The following AKR7A2 variants were observed in gnomAD, a reference collection of about 807,000 sequenced individuals.
The protein encoded by AKR7A2 is aflatoxin B1 aldehyde reductase member 2.
A neutral mutation model predicts 37.3 loss-of-function variants in AKR7A2; 29 were observed. The ratio of observed to expected loss-of-function variants is 0.78; its 90% CI spans 0.58 to 1.06. The LOEUF (loss-of-function observed/expected upper bound fraction) is 1.06, where lower values mean the gene tolerates loss of function less well. AKR7A2 is among the 50% of genes least tolerant of loss of function. The pLI, the probability that AKR7A2 is intolerant of heterozygous loss-of-function variation, is 0.00. For missense variants in AKR7A2, 529 were observed against 497.9 expected, an observed-to-expected ratio of 1.06 and a Z score of -0.59; for synonymous variants, 228 against 217.8, an observed-to-expected ratio of 1.05 and a Z score of -0.41.
rs756693579 is a variant in AKR7A2 at position 19,306,120 on chromosome 1, G to A, written c.816C>T (p.Ala272=). The change falls in exon 6 of 7, where the codon GCC becomes GCT. Residue 272 remains alanine (A), a synonymous_variant. Coordinates refer to ENST00000235835, the MANE Select transcript of AKR7A2 (RefSeq NM_003689.4). ...NRFWKEHHFE[A]IALVEKALQA... is the part of the protein sequence containing the mutation. ...GCAGGGCCTTCTCCACCAACGCAAT[G>A]GCCTCGAAGTGGTGCTCCTTCCAGA... The A allele has an allele frequency of 6.2e-7, 1 of 1,614,212 alleles. No homozygotes were observed. Among genetic ancestry groups the A allele is most frequent in the East Asian group, 2.2e-5 (1 of 44,888 alleles).
chr1:19,307,492 A>G (rs899088066), intron 3 of AKR7A2, 82 bp from the exon 4 acceptor site: 87 of 1,425,658 alleles, frequency 6.1e-5, no homozygotes, highest in Non-Finnish European at 8.3e-5. Context: ...CCTCTAAAGC[A>G]ACACCGGCCC....
rs1046126811 is a variant in AKR7A2 at position 19,312,105 on chromosome 1, C to G, written c.20G>C (p.Arg7Pro). ...GTGGACGGCGGCGCGGGAGACTACG[C>G]GAGACGCGGCACTCAGCATAGCAGC... The part of the protein sequence containing the change: MLSAAS[R>P]VVSRAAVHCA... The change falls in exon 1 of 7, where the codon CGC becomes CCC. Residue 7 changes from arginine to proline, a missense_variant. Physicochemically the swap from Arg to Pro is moderately radical, Grantham distance 103. Coordinates refer to ENST00000235835, the MANE Select transcript of AKR7A2 (RefSeq NM_003689.4). The G allele has an allele frequency of 4.5e-6, 6 of 1,327,622 alleles. No homozygotes were observed. Among genetic ancestry groups the G allele is most frequent in the South Asian group, 2.1e-5 (1 of 47,366 alleles). 82.2% of individuals were successfully genotyped at this position (1,327,622 alleles called of 1,614,324 possible).
chr1:19,305,744 T>C (rs1219184854), intron 6 of AKR7A2, among the ~76,000 whole-genome samples: 1 of 152,190 alleles, frequency 6.6e-6, no homozygotes, highest in African/African-American at 2.4e-5. Flanking sequence ...TCTGCCACTT[T>C]AATAGCTGGG....
intron 1 of AKR7A2, 117 bp from the exon 2 acceptor site, chr1:19,308,759 G>A (rs1220183070): frequency 3.9e-6 from 4 of 1,035,030 alleles, no homozygotes; most frequent in Non-Finnish European, 5.9e-6. Flanking sequence ...AAAATGGGGT[G>A]ATAATAATCA....
At chr1:19,305,132 ATCT>A (rs1442602387) in intron 6 of AKR7A2, 1 of 156,704 alleles carries the variant, frequency 6.4e-6, no homozygotes, top group Non-Finnish European at 1.4e-5. Context: ...GGCCATACTA[ATCT>A]TCTCTGTATC....
At chr1:19,305,979 T>G (rs2093760769) in intron 6 of AKR7A2, 39 bp downstream of exon 6, 1 of 1,612,994 alleles carries the variant, frequency 6.2e-7, no homozygotes, top group Non-Finnish European at 8.5e-7. Context: ...CTGGTCCCCC[T>G]GGAAGGGAAG....
At chr1:19,310,480 T>C (rs1439045513) in intron 1 of AKR7A2, among the ~76,000 whole-genome samples, 1 of 152,030 alleles carries the variant, frequency 6.6e-6, no homozygotes, top group Admixed American at 6.5e-5. Context: ...GGCAGATCAC[T>C]TGAGGTCAGG....
chr1:19,302,899 C>T (rs960607044), downstream of AKR7A2, among the ~76,000 whole-genome samples: 1 of 151,948 alleles, frequency 6.6e-6, no homozygotes, highest in African/African-American at 2.4e-5. Flanking sequence ...CACCATGTTG[C>T]CCAGGCTGGT....
chr1:19,307,233 C>T, intron 4 of AKR7A2, 81 bp downstream of exon 4: 1 of 1,604,784 alleles, frequency 6.2e-7, no homozygotes, highest in Non-Finnish European at 8.5e-7. Context: ...TCTTGTCAAA[C>T]CCTCCCTGCT....
rs1482504021 is a variant in AKR7A2 at position 19,307,420 on chromosome 1, G to C, written c.592-10C>G. 1.2e-6 allele frequency: 2 copies of C among 1,614,136 alleles called. No individual in the cohort carries two copies. Among genetic ancestry groups the C allele is most frequent in the Admixed American group, 3.3e-5 (2 of 60,024 alleles). On this transcript the variant is annotated splice_polypyrimidine_tract_variant and intron_variant, in intron 3 of 6. Coordinates refer to ENST00000235835, the MANE Select transcript of AKR7A2 (RefSeq NM_003689.4). Reference sequence around the variant, plus strand: ...TGGCGTTGTACATGCCCTGCAGGGAGAGGGACCCCGGGGACAGGGTGGACA... The same window carrying C: ...TGGCGTTGTACATGCCCTGCAGGGACAGGGACCCCGGGGACAGGGTGGACA...
chr1:19,310,864 G>C (rs1405400861), intron 1 of AKR7A2, among the ~76,000 whole-genome samples: 3 of 152,050 alleles, frequency 2.0e-5, no homozygotes, highest in African/African-American at 7.2e-5. Context: ...GCATGGTAAG[G>C]GTAACAGCCC....
intron 3 of AKR7A2, 116 bp from the exon 4 acceptor site, chr1:19,307,526 T>G: frequency 9.2e-7 from 1 of 1,082,254 alleles, no homozygotes. Context: ...TATTCTAACA[T>G]CACTACTGTT....
rs1264296586 is a variant in AKR7A2 at position 19,304,113 on chromosome 1, A to G, written c.*112T>C. 6 of 1,541,462 alleles carry G rather than the reference A, an allele frequency of 3.9e-6. No homozygotes were observed. Among genetic ancestry groups the G allele is most frequent in the African/African-American group, 1.4e-5 (1 of 73,292 alleles). On this transcript the variant is annotated 3_prime_UTR_variant, in exon 7 of 7. Coordinates refer to ENST00000235835, the MANE Select transcript of AKR7A2 (RefSeq NM_003689.4). ...AGGAAGCTAGAAAAATAATGCATGGATCTAGACAATTCAGAAAAACCCTTC... is the reference window on the plus strand; with the variant it reads ...AGGAAGCTAGAAAAATAATGCATGGGTCTAGACAATTCAGAAAAACCCTTC...
chr1:19,311,185 G>A (rs779483441), intron 1 of AKR7A2, among the ~76,000 whole-genome samples: 2 of 152,200 alleles, frequency 1.3e-5, no homozygotes, highest in Non-Finnish European at 2.9e-5. Flanking sequence ...GGGCTCTCCA[G>A]CAATCATTAC....
chr1:19,308,749 A>G, intron 1 of AKR7A2, 107 bp from the exon 2 acceptor site: 1 of 1,108,268 alleles, frequency 9.0e-7, no homozygotes, highest in Non-Finnish European at 1.4e-6. Flanking sequence ...TATGATCTGT[A>G]AAATGGGGTG....
chr1:19,312,006 G>A lies in AKR7A2; in HGVS notation c.119C>T (p.Ser40Leu), dbSNP rs1232577135. 2.0e-6 allele frequency: 3 copies of A among 1,477,890 alleles called. No individual in the cohort carries two copies. Among genetic ancestry groups the A allele is most frequent in the African/African-American group, 1.5e-5 (1 of 67,920 alleles). 91.5% of individuals were successfully genotyped at this position (1,477,890 alleles called of 1,614,324 possible). ...CCCCATCTCCATGGTGCCCAGCACC[G>A]AGGCGACCCGCGGTGGCGGTGGCCG... ...MSRPPPPRVA[S>L]VLGTMEMGRR... The change falls in exon 1 of 7, where the codon TCG becomes TTG. Residue 40 changes from serine to leucine, a missense_variant. By Grantham distance (145) the Ser-to-Leu change is moderately radical. Coordinates refer to ENST00000235835, the MANE Select transcript of AKR7A2 (RefSeq NM_003689.4).
Position 19,308,589 on chromosome 1 carries a change from T to G in AKR7A2, c.352A>C (p.Ser118Arg), listed in dbSNP as rs1300025817. The change falls in exon 2 of 7, where the codon AGT becomes CGT. Residue 118 changes from serine (S) to arginine (R), a missense_variant. By Grantham distance (110) the Ser-to-Arg change is moderately radical. Transcript: ENST00000235835. ...GACGTCTCCAGCTGGGACCGGACAC[T>G]GTCAGGCTTTAGTGATTTTCCATCC... ...PWDGKSLKPD[S>R]VRSQLETSLK... is the part of the protein sequence containing the mutation. The G allele has an allele frequency of 3.1e-6, 5 of 1,614,080 alleles. No homozygotes were observed. Among genetic ancestry groups the G allele is most frequent in the Non-Finnish European group, 4.2e-6 (5 of 1,180,038 alleles).
chr1:19,308,727 T>G, intron 1 of AKR7A2, 85 bp from the exon 2 acceptor site: 2 of 1,315,918 alleles, frequency 1.5e-6, no homozygotes, highest in South Asian at 1.2e-5. Flanking sequence ...AATATTCTCT[T>G]GGCCTCAATT....
chr1:19,308,312 G>A (rs778551174), intron 2 of AKR7A2, 50 bp from the exon 3 acceptor site: 16 of 1,612,376 alleles, frequency 9.9e-6, no homozygotes, highest in Non-Finnish European at 1.4e-5. Context: ...AGACCAGGAA[G>A]GGGAGGCCAG....
Sources: allele counts gnomAD v4.1 joint callset (sites outside exome capture counted in the v4.1 genomes callset), GRCh38; gene constraint gnomAD v4.1.1; transcripts MANE v1.5; gene names NCBI Gene and HGNC (gene_info 2026-07-23, HGNC 2026-07-21).